The following CDC25A variants were observed in gnomAD, a reference collection of about 807,000 sequenced individuals.
CDC25A encodes M-phase inducer phosphatase 1.
A neutral mutation model predicts 64.6 loss-of-function variants in CDC25A; 17 were observed. That is an observed-to-expected ratio of 0.26 (90% confidence interval 0.18 to 0.39). The LOEUF (loss-of-function observed/expected upper bound fraction) is 0.39. Among genes scored for constraint, CDC25A ranks in the 10% least tolerant of loss-of-function variants. The pLI, the probability that CDC25A is intolerant of heterozygous loss-of-function variation, is 1.00. For synonymous variants in CDC25A, 229 were observed against 238.6 expected, an observed-to-expected ratio of 0.96 and a Z score of 0.37; for missense variants, 473 against 654.8, an observed-to-expected ratio of 0.72 and a Z score of 3.03.
intron 6 of CDC25A, among the ~76,000 whole-genome samples, chr3:48,178,927 A>AT (rs2032564814): frequency 6.6e-6 from 1 of 152,210 alleles, no homozygotes; most frequent in Non-Finnish European, 1.5e-5. Context: ...GTTTAGAGTT[A>AT]TTTTTTTCAC....
At chr3:48,179,339 A>T (rs1189378858) in intron 6 of CDC25A, among the ~76,000 whole-genome samples, 1 of 152,146 alleles carries the variant, frequency 6.6e-6, no homozygotes, top group Non-Finnish European at 1.5e-5. Flanking sequence ...ATTGTTTCTG[A>T]TACCCAACTC....
intron 5 of CDC25A, chr3:48,181,783 TG>T: frequency 3.7e-6 from 2 of 537,240 alleles, no homozygotes; most frequent in Non-Finnish European, 3.3e-6. Flanking sequence ...AATAAAACCA[TG>T]AAGAATCAAA....
chr3:48,178,245 ATAGCCTC>A (rs903352767), intron 6 of CDC25A, among the ~76,000 whole-genome samples: 1 of 152,114 alleles, frequency 6.6e-6, no homozygotes, highest in African/African-American at 2.4e-5. Flanking sequence ...GGTACTAGAG[ATAGCCTC>A]TTGTGAAGAA....
At position 48,157,640 on chromosome 3, in the gene CDC25A, G is replaced by C. The variant is rs938149540; in HGVS notation, c.*1305C>G. 2 of 152,592 alleles carry C rather than the reference G, an allele frequency of 1.3e-5. No homozygotes were observed. Among genetic ancestry groups the C allele is most frequent in the Admixed American group, 6.6e-5 (1 of 15,266 alleles). The allele number at this position is 152,592 out of a possible 1,614,324, so 9.5% of individuals were successfully genotyped here. On this transcript the variant is annotated 3_prime_UTR_variant, in exon 15 of 15. Coordinates refer to ENST00000302506, the MANE Select transcript of CDC25A (RefSeq NM_001789.3). Reference sequence around the variant, plus strand: ...AGCTCCTTGGATGAGGTGTTCTTTTGAAATTCCCACTTTTATGGAGTTAGA... The same window carrying C: ...AGCTCCTTGGATGAGGTGTTCTTTTCAAATTCCCACTTTTATGGAGTTAGA...
chr3:48,177,197 CAG>C (rs1575269090), intron 8 of CDC25A, among the ~76,000 whole-genome samples, 172 bp downstream of exon 8: 2 of 152,222 alleles, frequency 1.3e-5, no homozygotes, highest in East Asian at 1.9e-4. Context: ...AGGAGACATG[CAG>C]AGAGATATCA....
In CDC25A at chr3:48,159,335, C is replaced by T. The variant is rs758936016; in HGVS notation, c.1434+9G>A. ...GGAGGAGAGATGCTCTCCACAACCCCAGTCTTACCTGGCATTTCATAAAGA... is the reference window on the plus strand; with the variant it reads ...GGAGGAGAGATGCTCTCCACAACCCTAGTCTTACCTGGCATTTCATAAAGA... On this transcript the variant is annotated intron_variant, in intron 14 of 14. Coordinates refer to ENST00000302506, the MANE Select transcript of CDC25A (RefSeq NM_001789.3). 33 of 1,582,202 alleles carry T rather than the reference C, an allele frequency of 2.1e-5. No individual in the cohort carries two copies. Among genetic ancestry groups the T allele is most frequent in the Non-Finnish European group, 2.7e-5 (31 of 1,151,144 alleles).
chr3:48,159,539 C>G, intron 13 of CDC25A, 84 bp from the exon 14 acceptor site: 1 of 851,678 alleles, frequency 1.2e-6, no homozygotes. Flanking sequence ...CAGTTGTGGT[C>G]TAAGTCCCCC....
intron 13 of CDC25A, among the ~76,000 whole-genome samples, chr3:48,162,639 A>G (rs1335665010): frequency 1.3e-5 from 2 of 151,554 alleles, no homozygotes; most frequent in Non-Finnish European, 2.9e-5. Flanking sequence ...CAAGGTCAGG[A>G]GATGGAGACC....
Position 48,158,767 on chromosome 3 carries a change from A to G in CDC25A, c.*178T>C. On this transcript the variant is annotated 3_prime_UTR_variant, in exon 15 of 15. Coordinates refer to ENST00000302506, the MANE Select transcript of CDC25A (RefSeq NM_001789.3). ...TAACAGGGACAGAAGAGGCGTAGCC[A>G]GCAAGATGCCCTGGGCTCCAACCTT... 1 of 702,230 alleles carries G rather than the reference A, an allele frequency of 1.4e-6. No homozygotes were observed. Among genetic ancestry groups the G allele is most frequent in the African/African-American group, 1.8e-5 (1 of 56,532 alleles). 43.5% of individuals were successfully genotyped at this position (702,230 alleles called of 1,614,324 possible).
chr3:48,181,740 T>C (rs1375793238), intron 5 of CDC25A: 16 of 744,288 alleles, frequency 2.1e-5, no homozygotes, highest in Non-Finnish European at 3.9e-5. Flanking sequence ...CTGGCTGAAT[T>C]ATAGAATGTT....
chr3:48,160,518 C>T (rs980791625), intron 13 of CDC25A, among the ~76,000 whole-genome samples: 1 of 151,366 alleles, frequency 6.6e-6, no homozygotes, highest in Admixed American at 6.6e-5. Context: ...TCAAGGGATG[C>T]TCCTGCCTCA....
chr3:48,173,057 A>C (rs754947559), intron 9 of CDC25A, among the ~76,000 whole-genome samples: 1 of 152,028 alleles, frequency 6.6e-6, no homozygotes, highest in Non-Finnish European at 1.5e-5. Flanking sequence ...GTCTCTACTA[A>C]AAATACAAAA....
intron 9 of CDC25A, among the ~76,000 whole-genome samples, chr3:48,170,341 G>A (rs1165676583): frequency 1.3e-5 from 2 of 152,140 alleles, no homozygotes. Flanking sequence ...TGGATCTTCT[G>A]ATCTACGACC....
At chr3:48,174,100 C>T (rs541445466) in intron 9 of CDC25A, among the ~76,000 whole-genome samples, 184 bp downstream of exon 9, 2 of 152,128 alleles carry the variant, frequency 1.3e-5, no homozygotes, top group South Asian at 2.1e-4. Flanking sequence ...TCAGGACCAG[C>T]GTGGGCAACA....
chr3:48,183,758 G>C, intron 4 of CDC25A, 42 bp downstream of exon 4: 1 of 1,294,184 alleles, frequency 7.7e-7, no homozygotes, highest in Admixed American at 1.7e-5. Context: ...CTAAGGAACA[G>C]ATAACAGGTA....
At chr3:48,175,516 TC>T (rs2032424395) in intron 8 of CDC25A, among the ~76,000 whole-genome samples, 3 of 152,332 alleles carry the variant, frequency 2.0e-5, no homozygotes, top group African/African-American at 7.2e-5. Context: ...TTCTTTGAAA[TC>T]TTCCTGATAG....
At position 48,177,836 on chromosome 3, in the gene CDC25A, C is replaced by G. The variant is rs1279709083; in HGVS notation, c.684+18G>C. 3.1e-6 allele frequency: 5 copies of G among 1,591,458 alleles called. No individual in the cohort carries two copies. In the Admixed American group the frequency reaches 8.4e-5, roughly 27 times the overall value. On this transcript the variant is annotated intron_variant, in intron 7 of 14. Transcript: ENST00000302506. ...AATTAGTAGAACAAATAGGAACACA[C>G]ACACACACACACGGTACCTTCAGAT...
At chr3:48,172,265 C>T (rs1050746998) in intron 9 of CDC25A, among the ~76,000 whole-genome samples, 2 of 152,170 alleles carry the variant, frequency 1.3e-5, no homozygotes, top group African/African-American at 4.8e-5. Context: ...ACTTTAAAAA[C>T]ATTCATAAAG....
At chr3:48,169,581 T>C (rs1393934876) in intron 9 of CDC25A, among the ~76,000 whole-genome samples, 1 of 152,086 alleles carries the variant, frequency 6.6e-6, no homozygotes, top group Non-Finnish European at 1.5e-5. Flanking sequence ...ATCTGAAGAG[T>C]AAGAGACCTA....
Sources: allele counts gnomAD v4.1 joint callset (sites outside exome capture counted in the v4.1 genomes callset), GRCh38; gene constraint gnomAD v4.1.1; transcripts MANE v1.5; gene names NCBI Gene and HGNC (gene_info 2026-07-23, HGNC 2026-07-21).